LGSN: variants seen among roughly 807,000 people sequenced by gnomAD.
The protein encoded by LGSN is lengsin, lens protein with glutamine synthetase domain.
LGSN carries 21 observed loss-of-function variants against 19.5 expected under a neutral mutation model. The observed-to-expected ratio is 1.07, with a 90% CI of 0.76 to 1.55. The LOEUF (loss-of-function observed/expected upper bound fraction) is 1.55. Among genes scored for constraint, LGSN ranks in the 40% most tolerant of loss-of-function variants. The pLI is 0.00. For synonymous variants in LGSN, 257 were observed against 215.6 expected, an observed-to-expected ratio of 1.19 and a Z score of -1.68; for missense variants, 673 against 608.5, an observed-to-expected ratio of 1.11 and a Z score of -1.12.
the LGSN span, among the ~76,000 whole-genome samples, chr6:63,533,303 A>T: frequency 6.6e-6 from 1 of 152,134 alleles, no homozygotes; most frequent in Non-Finnish European, 1.5e-5. Context: ...AATCACTTGA[A>T]CCTGGGAGGC....
chr6:63,342,036 G>A, the LGSN span, among the ~76,000 whole-genome samples: 2 of 152,192 alleles, frequency 1.3e-5, no homozygotes, highest in African/African-American at 4.8e-5. Context: ...CTAGTTTCCA[G>A]GGGTAAAAGT....
At chr6:63,392,962 C>G in the LGSN span, among the ~76,000 whole-genome samples, 1 of 148,134 alleles carries the variant, frequency 6.8e-6, no homozygotes, top group African/African-American at 2.5e-5. Flanking sequence ...TCTCTGCTCA[C>G]TGCAAGCTCC....
In LGSN at chr6:63,280,416, T is replaced by A; in HGVS notation, c.1135A>T (p.Ser379Cys). The stretch of plus-strand genomic sequence containing the variant: ...TTGTATCCCCATGTTGTAGGCACAC[T>A]CTTCTTCAGGTCTTTCCTGTCCTTG... ...YSKDRKDLKK[S>C]VPTTWGYNDN... The change falls in exon 4 of 4, where the codon AGT becomes TGT. Residue 379 changes from serine to cysteine, a missense_variant. Coordinates refer to ENST00000370657, the MANE Select transcript of LGSN (RefSeq NM_016571.3). The A allele has an allele frequency of 6.2e-7, 1 of 1,614,202 alleles. No individual in the cohort carries two copies. The highest frequency in any genetic ancestry group is 1.3e-5 in the African/African-American group (1 of 75,072).
the LGSN span, among the ~76,000 whole-genome samples, chr6:63,412,515 A>AG: frequency 1.6e-3 from 198 of 123,370 alleles, 5 homozygotes; most frequent in African/African-American, 6.9e-3. Context: ...AGAAAGAAAG[A>AG]AAGAAAGAAA....
At chr6:63,570,595 T>C in the LGSN span, among the ~76,000 whole-genome samples, 1 of 152,140 alleles carries the variant, frequency 6.6e-6, no homozygotes, top group African/African-American at 2.4e-5. Context: ...TACAAGAAAA[T>C]TGGCTAACAC....
chr6:63,507,706 T>A, the LGSN span, among the ~76,000 whole-genome samples: 1 of 152,226 alleles, frequency 6.6e-6, no homozygotes, highest in Non-Finnish European at 1.5e-5. Flanking sequence ...AATGAGTACC[T>A]GAATTATCCC....
chr6:63,396,391 A>G, the LGSN span: 1 of 222,294 alleles, frequency 4.5e-6, no homozygotes. Context: ...TCACTCAACA[A>G]ATCCAGTTAT....
At chr6:63,357,706 G>A in the LGSN span, among the ~76,000 whole-genome samples, 4 of 152,016 alleles carry the variant, frequency 2.6e-5, no homozygotes, top group East Asian at 7.7e-4. Flanking sequence ...AAATTTGTTT[G>A]AGTTCATTGT....
the LGSN span, among the ~76,000 whole-genome samples, chr6:63,524,164 G>A: frequency 6.6e-6 from 1 of 151,952 alleles, no homozygotes; most frequent in Non-Finnish European, 1.5e-5. Context: ...TTTGTGTTTT[G>A]AGTAGAGATG....
the LGSN span, among the ~76,000 whole-genome samples, chr6:63,418,291 G>A: frequency 7.2e-5 from 11 of 152,248 alleles, no homozygotes; most frequent in South Asian, 2.1e-4. Flanking sequence ...GGCCAGGTGC[G>A]GTGGCTCACA....
rs201641769 is a variant in LGSN, at chr6:63,294,962, T to C, written c.114A>G (p.Pro38=). Residue 38 remains proline (P), a synonymous_variant, in exon 2 of 4, where the codon CCA becomes CCG. Transcript: ENST00000370657. ...LRRTRKKVTK[P]YVCSTEVGET... ...CTCCCACTTCAGTTGAACAAACATA[T>C]GGTTTAGTGACTTTCTTCCTTGTCC... is the stretch of plus-strand genomic sequence containing the variant. 8.1e-6 allele frequency: 13 copies of C among 1,613,792 alleles called. No individual in the cohort carries two copies. In the East Asian group the frequency reaches 2.2e-4, roughly 28 times the overall value.
chr6:63,280,075 C>A lies in LGSN; in HGVS notation c.1476G>T (p.Leu492Phe), dbSNP rs1462914558. The change falls in exon 4 of 4, where the codon TTG becomes TTT. Residue 492 changes from leucine (L) to phenylalanine (F), a missense_variant. By Grantham distance (22) the Leu-to-Phe change is conservative. Coordinates refer to ENST00000370657, the MANE Select transcript of LGSN (RefSeq NM_016571.3). ...TCTCTGCAGCTATTTCTTCATTCTC[C>A]AACTCATATTTCTTCATGGCAACAA... ...RYFVAMKKYELENEEIAAERN... is the reference protein window; with the variant it reads ...RYFVAMKKYEFENEEIAAERN... 6.2e-7 allele frequency: 1 copy of A among 1,613,052 alleles called. No individual in the cohort carries two copies. The highest frequency in any genetic ancestry group is 2.2e-5 in the East Asian group (1 of 44,888).
the LGSN span, among the ~76,000 whole-genome samples, chr6:63,512,083 C>CTT: frequency 2.7e-4 from 40 of 148,520 alleles, no homozygotes; most frequent in East Asian, 7.9e-4. Flanking sequence ...GCTCCATGTT[C>CTT]TTTTTTTTTT....
At chr6:63,572,417 A>G in the LGSN span, 1 of 355,032 alleles carries the variant, frequency 2.8e-6, no homozygotes, top group African/African-American at 2.1e-5. Context: ...CCAGGCCGCG[A>G]TTGGTGGCTG....
the LGSN span, among the ~76,000 whole-genome samples, chr6:63,360,505 C>A: frequency 6.6e-6 from 1 of 152,226 alleles, no homozygotes; most frequent in Non-Finnish European, 1.5e-5. Flanking sequence ...TGGTTTTCAG[C>A]TCCATCAGGT....
chr6:63,425,966 T>C, the LGSN span, among the ~76,000 whole-genome samples: 5 of 152,156 alleles, frequency 3.3e-5, no homozygotes, highest in Non-Finnish European at 7.3e-5. Context: ...CGGTAAAGGG[T>C]ACACAAGATC....
chr6:63,452,364 T>G, the LGSN span, among the ~76,000 whole-genome samples: 1 of 152,150 alleles, frequency 6.6e-6, no homozygotes, highest in African/African-American at 2.4e-5. Flanking sequence ...TACTCCTGCC[T>G]CAGCCTCTGG....
chr6:63,507,639 T>C, the LGSN span, among the ~76,000 whole-genome samples: 1 of 152,178 alleles, frequency 6.6e-6, no homozygotes, highest in East Asian at 1.9e-4. Flanking sequence ...CTGGACCTCA[T>C]AAGTTGTATT....
At chr6:63,307,360 T>G (rs1046296348) in intron 1 of LGSN, among the ~76,000 whole-genome samples, 5 of 152,156 alleles carry the variant, frequency 3.3e-5, no homozygotes, top group African/African-American at 1.2e-4. Flanking sequence ...ACCAAGTACT[T>G]GGCACACTCT....
Sources: allele counts gnomAD v4.1 joint callset (sites outside exome capture counted in the v4.1 genomes callset), GRCh38; gene constraint gnomAD v4.1.1; transcripts MANE v1.5; gene names NCBI Gene and HGNC (gene_info 2026-07-23, HGNC 2026-07-21).